SPTB: variants seen among roughly 807,000 people sequenced by gnomAD.
SPTB encodes spectrin beta chain, erythrocytic.
In SPTB, 45 loss-of-function variants were observed where a neutral mutation model predicts 256.2. That is an observed-to-expected ratio of 0.18 (90% CI 0.14 to 0.23). The LOEUF (loss-of-function observed/expected upper bound fraction) is 0.23. SPTB is among the 10% of genes least tolerant of loss of function. The pLI is 1.00. For missense variants in SPTB, 2,715 were observed against 3,040.4 expected, an observed-to-expected ratio of 0.89 and a Z score of 2.52; for synonymous variants, 1,231 against 1,243.1, an observed-to-expected ratio of 0.99 and a Z score of 0.21.
chr14:64,795,730 G>T lies in SPTB; in HGVS notation c.1342-91C>A. On this transcript the variant is annotated intron_variant, in intron 11 of 35. Transcript: ENST00000644917. The surrounding 1 kb of genome is among the most constrained non-coding windows in gnomAD (Gnocchi z 6.5). Reference sequence around the variant, plus strand: ...GACAGGGCAGCTCCCTTCAGAACCAGTGCTAGATGGGAAAGCACATTCCCA... The same window carrying T: ...GACAGGGCAGCTCCCTTCAGAACCATTGCTAGATGGGAAAGCACATTCCCA... 7.6e-7 allele frequency: 1 copy of T among 1,323,236 alleles called. No homozygotes were observed. The highest frequency in any genetic ancestry group is 1.1e-6 in the Non-Finnish European group (1 of 929,536). 82.0% of individuals were successfully genotyped at this position (1,323,236 alleles called of 1,614,324 possible). A position where few individuals can be genotyped will look rare whatever the true frequency, so the allele number is the denominator to read the frequency against.
intron 3 of SPTB, 83 bp from the exon 4 acceptor site, chr14:64,803,863 T>C (rs1256421029): frequency 1.5e-5 from 21 of 1,446,662 alleles, no homozygotes; most frequent in Non-Finnish European, 2.0e-5. Flanking sequence ...GCTCCTGTCA[T>C]AAGCACCCAC....
At position 64,802,375 on chromosome 14, in the gene SPTB, C is replaced by T; in HGVS notation, c.475-58G>A. ...GGATGTGCATCTGGATCTGTGCTTT[C>T]CTGCCGTCCCTGGGAGGCTCCCTCC... On this transcript the variant is annotated intron_variant, in intron 4 of 35. Transcript: ENST00000644917. The surrounding 1 kb of genome is among the most constrained non-coding windows in gnomAD (Gnocchi z 5.1). 6.5e-7 allele frequency: 1 copy of T among 1,536,006 alleles called. No homozygotes were observed. Among genetic ancestry groups the T allele is most frequent in the Non-Finnish European group, 9.0e-7 (1 of 1,116,714 alleles).
chr14:64,863,573 C>T (rs1881983334), intron 1 of SPTB, among the ~76,000 whole-genome samples: 1 of 152,178 alleles, frequency 6.6e-6, no homozygotes, highest in African/African-American at 2.4e-5. Context: ...ATATAACAGG[C>T]AATAACATGT....
intron 15 of SPTB, among the ~76,000 whole-genome samples, chr14:64,787,903 T>C (rs1329036025): frequency 1.3e-5 from 2 of 152,224 alleles, no homozygotes; most frequent in Non-Finnish European, 2.9e-5. Flanking sequence ...TGGGCCTAGG[T>C]TCACTCATTC....
rs114194247 is a variant in SPTB, at chr14:64,806,665, T to A, written c.149-1575A>T. Among the ~76,000 whole-genome samples the A allele has an allele frequency of 6.6e-6, 1 of 152,154 alleles. No individual in the cohort carries two copies. Among genetic ancestry groups the A allele is most frequent in the Non-Finnish European group, 1.5e-5 (1 of 68,020 alleles). On this transcript the variant is annotated intron_variant, in intron 2 of 35. Coordinates refer to ENST00000644917, the MANE Select transcript of SPTB (RefSeq NM_001355436.2). This position sits in a 1 kb window ranked among gnomAD's most constrained non-coding sequence, Gnocchi z 4.1. ...GACCCTTGATTCTTCTGTGCACTCA[T>A]TGAGCAAATATTTACCGTACAACCG...
rs1490963044 is a variant in SPTB, at chr14:64,790,697, C to G, written c.2804+1022G>C. 6.6e-6 allele frequency among the ~76,000 whole-genome samples: 1 copy of G among 152,198 alleles called. No homozygotes were observed. The highest frequency in any genetic ancestry group is 1.5e-5 in the Non-Finnish European group (1 of 68,030). On this transcript the variant is annotated intron_variant, in intron 15 of 35. Transcript: ENST00000644917. The surrounding 1 kb of genome is among the most constrained non-coding windows in gnomAD (Gnocchi z 4.8). ...ACCTCCCAGATTGCCTCAGGCAGAG[C>G]AACGCTCAGGCACAGGTGTGGGGAA...
At chr14:64,833,349 G>A (rs2083476745) in intron 1 of SPTB, among the ~76,000 whole-genome samples, 1 of 152,118 alleles carries the variant, frequency 6.6e-6, no homozygotes. Flanking sequence ...TTGGCAGTTC[G>A]AGACCAGGCT....
intron 1 of SPTB, among the ~76,000 whole-genome samples, chr14:64,854,568 G>A (rs111977067): frequency 0.026 from 3,934 of 152,046 alleles, 67 homozygotes; most frequent in South Asian, 0.063. Flanking sequence ...GTGAGCCACC[G>A]CGCCCGGCCA....
chr14:64,815,157 T>C (rs547372460), intron 2 of SPTB, among the ~76,000 whole-genome samples: 1 of 152,120 alleles, frequency 6.6e-6, no homozygotes, highest in African/African-American at 2.4e-5. Context: ...GGTTCTTAAG[T>C]AAAGCAGCAC....
rs2082560864 is a variant in SPTB, at chr14:64,786,062, C to T, written c.3562-111G>A. ...CCACACAGGCCACGGTATGAATGAGCCCCCTAGAGTAGTACAGGGAGGAGG... is the reference window on the plus strand; with the variant it reads ...CCACACAGGCCACGGTATGAATGAGTCCCCTAGAGTAGTACAGGGAGGAGG... On this transcript the variant is annotated intron_variant, in intron 16 of 35. Transcript: ENST00000644917. The surrounding 1 kb of genome is among the most constrained non-coding windows in gnomAD (Gnocchi z 5.6). 1 of 1,116,352 alleles carries T rather than the reference C, an allele frequency of 9.0e-7. No individual in the cohort carries two copies. Among genetic ancestry groups the T allele is most frequent in the Non-Finnish European group, 1.3e-6 (1 of 745,472 alleles). The allele number at this position is 1,116,352 out of a possible 1,614,324, so 69.2% of individuals were successfully genotyped here.
chr14:64,842,412 G>A (rs550530908), intron 1 of SPTB, among the ~76,000 whole-genome samples: 14 of 152,282 alleles, frequency 9.2e-5, no homozygotes, highest in African/African-American at 3.1e-4. Context: ...CAGGCAGTAG[G>A]GGGTAGTGGT....
At chr14:64,872,573 T>C (rs974497841) in intron 1 of SPTB, among the ~76,000 whole-genome samples, 1 of 152,166 alleles carries the variant, frequency 6.6e-6, no homozygotes, top group Non-Finnish European at 1.5e-5. Context: ...AGCACTGTGG[T>C]TAGCTCTCCC....
Position 64,753,640 on chromosome 14 carries a change from C to T in SPTB, c.6499G>A (p.Ala2167Thr), listed in dbSNP as rs112462309. The change falls in exon 33 of 36, where the codon GCA becomes ACA. Residue 2167 changes from alanine to threonine, a missense_variant. Physicochemically the swap from Ala to Thr is moderately conservative, Grantham distance 58 (BLOSUM62 0). Transcript: ENST00000644917. ...DTPLSEGDEP[A>T]TLPAPRDHGQ... ...TGGTCCCGCGGGGCCGGCAGCGTTGCGGGCTCATCACCCTCGCTCAGAGGC... is the reference window on the plus strand; with the variant it reads ...TGGTCCCGCGGGGCCGGCAGCGTTGTGGGCTCATCACCCTCGCTCAGAGGC... The T allele has an allele frequency of 5.6e-5, 90 of 1,613,532 alleles. No individual in the cohort carries two copies. The highest frequency in any genetic ancestry group is 1.5e-4 in the African/African-American group (11 of 74,898).
At position 64,749,357 on chromosome 14, in the gene SPTB, G is replaced by T; in HGVS notation, c.6936C>A (p.Leu2312=). 6.2e-7 allele frequency: 1 copy of T among 1,610,692 alleles called. No homozygotes were observed. ...ATCTCTTCTCCTTGTCTTTCTTGCC[G>T]AGGCTGGCGTCGGGGCCGGAGAGGG... ...LPSLSGPDAS[L]GKKDKEKRFS... Residue 2312 remains leucine (L), a synonymous_variant, in exon 36 of 36, where the codon CTC becomes CTA. Coordinates refer to ENST00000644917, the MANE Select transcript of SPTB (RefSeq NM_001355436.2). The surrounding 1 kb of genome is among the most constrained non-coding windows in gnomAD (Gnocchi z 4.7).
chr14:64,866,923 T>G lies in SPTB; in HGVS notation c.-52+12869A>C, dbSNP rs1225254545. 6.6e-6 allele frequency among the ~76,000 whole-genome samples: 1 copy of G among 152,224 alleles called. No individual in the cohort carries two copies. The highest frequency in any genetic ancestry group is 1.5e-5 in the Non-Finnish European group (1 of 68,048). ...CTTTATTGTTATGAAACAAATCTTGTGTCCGTGGATCTGAAACGCCCACTC... is the reference window on the plus strand; with the variant it reads ...CTTTATTGTTATGAAACAAATCTTGGGTCCGTGGATCTGAAACGCCCACTC... On this transcript the variant is annotated intron_variant, in intron 1 of 35. Coordinates refer to ENST00000644917, the MANE Select transcript of SPTB (RefSeq NM_001355436.2). This position sits in a 1 kb window ranked among gnomAD's most constrained non-coding sequence, Gnocchi z 4.6.
intron 15 of SPTB, among the ~76,000 whole-genome samples, chr14:64,788,465 C>G (rs1264937848): frequency 6.6e-6 from 1 of 152,140 alleles, no homozygotes; most frequent in Non-Finnish European, 1.5e-5. Flanking sequence ...AGAGAGCCTG[C>G]AGATTTCTCG....
chr14:64,869,859 G>A (rs925828665), intron 1 of SPTB, among the ~76,000 whole-genome samples: 48 of 150,682 alleles, frequency 3.2e-4, no homozygotes, highest in Non-Finnish European at 4.4e-4. Flanking sequence ...CAAACTCCTG[G>A]GCTCAAGCGA....
chr14:64,879,156 G>A (rs531418603), intron 1 of SPTB, among the ~76,000 whole-genome samples: 1 of 152,304 alleles, frequency 6.6e-6, no homozygotes, highest in African/African-American at 2.4e-5. Flanking sequence ...TTTGGGAGAG[G>A]AAGACTAGGG....
rs966569588 is a variant in SPTB at position 64,786,848 on chromosome 14, C to T, written c.3117G>A (p.Leu1039=). 12 of 1,613,476 alleles carry T rather than the reference C, an allele frequency of 7.4e-6. No individual in the cohort carries two copies. The highest frequency in any genetic ancestry group is 1.0e-5 in the Non-Finnish European group (12 of 1,180,052). The change falls in exon 16 of 36, where the codon TTG becomes TTA. Residue 1039 remains leucine (L), a synonymous_variant. Transcript: ENST00000644917. This position sits in a 1 kb window ranked among gnomAD's most constrained non-coding sequence, Gnocchi z 5.6. ...GCTGCAGGCCCTGCCACAGCTCCTCCAAGTGTTTTTGCCGCTGACCAATAT... is the reference window on the plus strand; with the variant it reads ...GCTGCAGGCCCTGCCACAGCTCCTCTAAGTGTTTTTGCCGCTGACCAATAT... ...KEDIGQRQKH[L]EELWQGLQQS...
Sources: allele counts gnomAD v4.1 joint callset (sites outside exome capture counted in the v4.1 genomes callset), GRCh38; gene constraint gnomAD v4.1.1; non-coding constraint Gnocchi (gnomAD v3.1); transcripts MANE v1.5; gene names NCBI Gene and HGNC (gene_info 2026-07-23, HGNC 2026-07-21).